The following PGLYRP4 variants were observed in gnomAD, a reference collection of about 807,000 sequenced individuals.
PGLYRP4 encodes the protein PGRP-I-beta.
Under a neutral mutation model 41.2 loss-of-function variants are expected in PGLYRP4, and 39 were observed. That is an observed-to-expected ratio of 0.95 (90% CI 0.73 to 1.24). The LOEUF (loss-of-function observed/expected upper bound fraction) is 1.24. PGLYRP4 is among the 50% of genes most tolerant of loss of function. The pLI is 0.00. For missense variants in PGLYRP4, 467 were observed against 460.7 expected (o/e 1.01, Z -0.13); for synonymous variants, 202 against 186.8 (o/e 1.08, Z -0.66).
chr1:153,336,195 A>G (rs1385155589), intron 8 of PGLYRP4, among the ~76,000 whole-genome samples: 1 of 151,830 alleles, frequency 6.6e-6, no homozygotes, highest in African/African-American at 2.4e-5. Context: ...ACATGATGAA[A>G]GCCTGTCTCT....
At chr1:153,345,444 A>C in intron 3 of PGLYRP4, 62 bp from the exon 4 acceptor site, 21 of 1,456,282 alleles carry the variant, frequency 1.4e-5, no homozygotes, top group Non-Finnish European at 2.0e-5. Flanking sequence ...CAAGCTGAAC[A>C]TGCAGGCATG....
rs1660276195 is a variant in PGLYRP4, at chr1:153,330,183, T to C, written c.*584A>G. On this transcript the variant is annotated 3_prime_UTR_variant, in exon 9 of 9. Coordinates refer to ENST00000359650, the MANE Select transcript of PGLYRP4 (RefSeq NM_020393.4). Reference sequence around the variant, plus strand: ...ATAAACATCAGTAGAACCCATTAAATTTCAGACACTGCTGAGAAACAGAGG... The same window carrying C: ...ATAAACATCAGTAGAACCCATTAAACTTCAGACACTGCTGAGAAACAGAGG... 6.6e-6 allele frequency: 1 copy of C among 152,246 alleles called. No individual in the cohort carries two copies. Among genetic ancestry groups the C allele is most frequent in the African/African-American group, 2.4e-5 (1 of 41,446 alleles). 9.4% of individuals were successfully genotyped at this position (152,246 alleles called of 1,614,324 possible). A position where few individuals can be genotyped will look rare whatever the true frequency, so the allele number is the denominator to read the frequency against.
chr1:153,334,541 A>G (rs1440789439), intron 8 of PGLYRP4, among the ~76,000 whole-genome samples: 1 of 149,998 alleles, frequency 6.7e-6, no homozygotes, highest in Non-Finnish European at 1.5e-5. Context: ...ACACTGATGA[A>G]AAAAATTGTA....
intron 6 of PGLYRP4, among the ~76,000 whole-genome samples, chr1:153,340,850 A>G (rs1487935477): frequency 6.6e-6 from 1 of 152,228 alleles, no homozygotes; most frequent in Non-Finnish European, 1.5e-5. Context: ...ATTTATGTTA[A>G]CAGATGGCAC....
intron 8 of PGLYRP4, among the ~76,000 whole-genome samples, chr1:153,334,468 T>TATATATATATTTTTTTTTATA (rs1275488427): frequency 7.0e-6 from 1 of 142,530 alleles, no homozygotes; most frequent in African/African-American, 2.6e-5. Context: ...ATATATTTAT[T>TATATATATATTTTTTTTTATA]TATATATATT....
intron 8 of PGLYRP4, among the ~76,000 whole-genome samples, chr1:153,334,861 G>A (rs963107049): frequency 1.3e-5 from 2 of 152,082 alleles, no homozygotes; most frequent in East Asian, 1.9e-4. Flanking sequence ...CAGATACATA[G>A]ATCAATGGAA....
chr1:153,336,360 A>G (rs1199638051), intron 8 of PGLYRP4, among the ~76,000 whole-genome samples: 1 of 103,708 alleles, frequency 9.6e-6, no homozygotes, highest in Non-Finnish European at 1.8e-5. Flanking sequence ...ACAGAGCGAG[A>G]CTCCATCTCA....
rs558410933 is a variant in PGLYRP4, at chr1:153,334,455, T to C, written c.943+2726A>G. ...GTATGTGTATGTGTGTGTATAAATA[T>C]ATATATATTTATTTATATATATTTA... On this transcript the variant is annotated intron_variant, in intron 8 of 8. Coordinates refer to ENST00000359650, the MANE Select transcript of PGLYRP4 (RefSeq NM_020393.4). 5.6e-3 allele frequency among the ~76,000 whole-genome samples: 715 copies of C among 126,970 alleles called. 4 individuals are homozygous for C. The highest frequency in any genetic ancestry group is 7.7e-3 in the Non-Finnish European group (451 of 58,254). 83.3% of individuals were successfully genotyped at this position (126,970 alleles called of 152,430 possible). A position where few individuals can be genotyped will look rare whatever the true frequency, so the allele number is the denominator to read the frequency against.
In PGLYRP4 at chr1:153,330,878, C is replaced by G. The variant is rs1241785095; in HGVS notation, c.1011G>C (p.Gly337=). The G allele has an allele frequency of 2.5e-6, 4 of 1,613,946 alleles. No homozygotes were observed. In the African/African-American group the frequency reaches 5.3e-5, roughly 22 times the overall value. ...CCAGCAGGTAGTTGGGAGTCAGGTACCCTTTGACCATGGCACACTGGATCA... is the reference window on the plus strand; with the variant it reads ...CCAGCAGGTAGTTGGGAGTCAGGTAGCCTTTGACCATGGCACACTGGATCA... The part of the protein sequence containing the change: ...QDLIQCAMVK[G]YLTPNYLLVG... The change falls in exon 9 of 9, where the codon GGG becomes GGC. Residue 337 remains glycine, a synonymous_variant. Transcript: ENST00000359650.
Position 153,330,582 on chromosome 1 carries a change from AT to A in PGLYRP4, c.*184del. 1 of 483,394 alleles carries A rather than the reference AT, an allele frequency of 2.1e-6. No homozygotes were observed. The highest frequency in any genetic ancestry group is 3.6e-5 in the South Asian group (1 of 28,104). 29.9% of individuals were successfully genotyped at this position (483,394 alleles called of 1,614,324 possible). A position where few individuals can be genotyped will look rare whatever the true frequency, so the allele number is the denominator to read the frequency against. On this transcript the variant is annotated 3_prime_UTR_variant, in exon 9 of 9. Coordinates refer to ENST00000359650, the MANE Select transcript of PGLYRP4 (RefSeq NM_020393.4). The stretch of plus-strand genomic sequence containing the variant: ...CTCAGAGGGCTGTGAATGTCCAGCT[AT>A]GAGGTTTGGAGGCCCTTGGAGGATG...
rs1180330516 is a variant in PGLYRP4, at chr1:153,346,242, A to G, written c.50-51T>C. On this transcript the variant is annotated intron_variant, in intron 2 of 8. Coordinates refer to ENST00000359650, the MANE Select transcript of PGLYRP4 (RefSeq NM_020393.4). ...TCAGAGAGCACCAATACCAGCCATC[A>G]TGGTGGCACCAGCTCTGAACAGAAA... 25 of 1,360,858 alleles carry G rather than the reference A, an allele frequency of 1.8e-5. No homozygotes were observed. In the Admixed American group the frequency reaches 4.2e-4, roughly 23 times the overall value. The allele number at this position is 1,360,858 out of a possible 1,614,324, so 84.3% of individuals were successfully genotyped here.
chr1:153,341,783 G>C lies in PGLYRP4; in HGVS notation c.473-4C>G. ...GCAGCAGGGCTGGGACTGTGGCCTA[G>C]AAGAGAGAAATCTGTGGGAAACCTC... On this transcript the variant is annotated splice_polypyrimidine_tract_variant and splice_region_variant and intron_variant, in intron 5 of 8. Transcript: ENST00000359650. 6.2e-7 allele frequency: 1 copy of C among 1,606,556 alleles called. No individual in the cohort carries two copies. The highest frequency in any genetic ancestry group is 8.5e-7 in the Non-Finnish European group (1 of 1,177,460).
Position 153,330,671 on chromosome 1 carries a change from G to C in PGLYRP4, c.*96C>G. ...GGAGGCACAGGACTGTGTGGCAGGG[G>C]AGGAGGGCAAAAGGTGTTGAGCCAA... On this transcript the variant is annotated 3_prime_UTR_variant, in exon 9 of 9. Transcript: ENST00000359650. 3 of 996,850 alleles carry C rather than the reference G, an allele frequency of 3.0e-6. No homozygotes were observed. Among genetic ancestry groups the C allele is most frequent in the Non-Finnish European group, 4.6e-6 (3 of 651,840 alleles). The allele number at this position is 996,850 out of a possible 1,614,324, so 61.8% of individuals were successfully genotyped here. A position where few individuals can be genotyped will look rare whatever the true frequency, so the allele number is the denominator to read the frequency against.
chr1:153,336,369 CA>C (rs58665160), intron 8 of PGLYRP4, among the ~76,000 whole-genome samples: 721 of 76,446 alleles, frequency 9.4e-3, no homozygotes, highest in Non-Finnish European at 0.012. Context: ...GACTCCATCT[CA>C]AAAAAAAAAA....
Position 153,341,740 on chromosome 1 carries a change from T to C in PGLYRP4, c.512A>G (p.Asn171Ser), listed in dbSNP as rs758297512. 6.2e-7 allele frequency: 1 copy of C among 1,613,926 alleles called. No homozygotes were observed. The highest frequency in any genetic ancestry group is 2.2e-5 in the East Asian group (1 of 44,884). ...PSPAALSAME[N>S]LITYAVQKGH... is the part of the protein sequence containing the mutation. ...CTTCTGGACAGCATAGGTGATTAGG[T>C]TTTCCATGGCCGACAGGGCAGCAGG... Residue 171 changes from asparagine to serine, a missense_variant, in exon 6 of 9, where the codon AAC becomes AGC. Transcript: ENST00000359650.
chr1:153,338,589 C>T (rs1660664021), intron 7 of PGLYRP4, among the ~76,000 whole-genome samples: 1 of 152,230 alleles, frequency 6.6e-6, no homozygotes, highest in Non-Finnish European at 1.5e-5. Context: ...TCCCCAGCAT[C>T]AGCTCTACCA....
At chr1:153,337,832 CTT>C (rs1660631874) in intron 7 of PGLYRP4, among the ~76,000 whole-genome samples, 2 of 152,148 alleles carry the variant, frequency 1.3e-5, no homozygotes, top group South Asian at 4.2e-4. Context: ...TCTTTCCTGA[CTT>C]GATCTCTCTG....
chr1:153,330,412 C>G lies in PGLYRP4; in HGVS notation c.*355G>C. ...TAGGTGGGAGGTGGGGGCTGCCAGG[C>G]AGACACCAGGGGAAGGCTCACCAGG... On this transcript the variant is annotated 3_prime_UTR_variant, in exon 9 of 9. Coordinates refer to ENST00000359650, the MANE Select transcript of PGLYRP4 (RefSeq NM_020393.4). The G allele has an allele frequency of 5.7e-6, 1 of 174,226 alleles. No homozygotes were observed. The highest frequency in any genetic ancestry group is 1.5e-4 in the South Asian group (1 of 6,662). The allele number at this position is 174,226 out of a possible 1,614,324, so 10.8% of individuals were successfully genotyped here.
intron 5 of PGLYRP4, among the ~76,000 whole-genome samples, chr1:153,342,328 G>C (rs1660834809): frequency 6.6e-6 from 1 of 152,180 alleles, no homozygotes; most frequent in Admixed American, 6.5e-5. Flanking sequence ...CCACCCAGGA[G>C]CTGGAGATAA....
Sources: allele counts gnomAD v4.1 joint callset (sites outside exome capture counted in the v4.1 genomes callset), GRCh38; gene constraint gnomAD v4.1.1; transcripts MANE v1.5; gene names NCBI Gene and HGNC (gene_info 2026-07-23, HGNC 2026-07-21).